Variants in CALN1 observed in about 807,000 individuals in gnomAD.
CALN1 encodes the protein calneuron 1, also known as calcium-binding protein 8.
A neutral mutation model predicts 30.6 loss-of-function variants in CALN1; 17 were observed. The observed-to-expected ratio is 0.56, with a 90% confidence interval of 0.38 to 0.83. CALN1 has a LOEUF of 0.83. CALN1 is among the 40% of genes least tolerant of loss of function. The probability of loss-of-function intolerance (pLI) is 0.00; values close to 1 mark genes in which losing one functional copy is unlikely to be tolerated. For missense variants in CALN1, 291 were observed against 354.9 expected (o/e 0.82, Z 1.45); for synonymous variants, 156 against 131.4 (o/e 1.19, Z -1.28).
intron 5 of CALN1, among the ~76,000 whole-genome samples, chr7:72,018,246 T>TG (rs1314985806): frequency 6.6e-6 from 1 of 151,992 alleles, no homozygotes; most frequent in African/African-American, 2.4e-5. Context: ...AAATAAATGG[T>TG]GGAAAAGCAG....
At chr7:72,054,544 C>CATATATAT (rs35330773) in intron 4 of CALN1, among the ~76,000 whole-genome samples, 2 of 95,048 alleles carry the variant, frequency 2.1e-5, no homozygotes, top group African/African-American at 6.5e-5. Flanking sequence ...TATATATATA[C>CATATATAT]ATATATATAT....
At chr7:71,894,164 C>A (rs1793409142) in intron 5 of CALN1, among the ~76,000 whole-genome samples, 1 of 152,126 alleles carries the variant, frequency 6.6e-6, no homozygotes, top group Admixed American at 6.5e-5. Context: ...TTCCTTTGTC[C>A]CATCTGATGT....
intron 3 of CALN1, among the ~76,000 whole-genome samples, chr7:72,158,306 A>C (rs1182536176): frequency 6.6e-6 from 1 of 152,202 alleles, no homozygotes; most frequent in Non-Finnish European, 1.5e-5. Flanking sequence ...ATGTGGGGAG[A>C]ATGGATTGAA....
chr7:72,384,965 CAAAG>C (rs1018833931), intron 2 of CALN1, among the ~76,000 whole-genome samples: 4 of 151,940 alleles, frequency 2.6e-5, no homozygotes, highest in Admixed American at 6.6e-5. Context: ...ATGAAAAAAA[CAAAG>C]AATCTCATGG....
chr7:72,497,573 G>C, the CALN1 span, among the ~76,000 whole-genome samples: 1 of 152,200 alleles, frequency 6.6e-6, no homozygotes, highest in East Asian at 1.9e-4. Flanking sequence ...GCACATGCTA[G>C]GGTTAAGAGC....
At chr7:72,231,379 C>A (rs1794089001) in intron 3 of CALN1, among the ~76,000 whole-genome samples, 1 of 152,130 alleles carries the variant, frequency 6.6e-6, no homozygotes, top group Non-Finnish European at 1.5e-5. Flanking sequence ...TGAGAACATG[C>A]AGTGTTTGGT....
intron 3 of CALN1, among the ~76,000 whole-genome samples, chr7:72,178,009 A>G (rs1488613512): frequency 6.6e-6 from 1 of 152,190 alleles, no homozygotes; most frequent in African/African-American, 2.4e-5. Flanking sequence ...ATTTGGTAGA[A>G]GTTGAATCTG....
rs183359568 is a variant in CALN1 at position 71,951,320 on chromosome 7, A to G, written c.501+72337T>C. Among the ~76,000 whole-genome samples, 841 of 152,266 alleles carry G rather than the reference A, an allele frequency of 5.5e-3. 7 individuals carry two copies. Among genetic ancestry groups the G allele is most frequent in the African/African-American group, 0.019 (808 of 41,584 alleles). ...AAGAATAGCAGAAACGGCCGGGCGC[A>G]TGGCTCATGCCTGTAATCCCAGCAC... is the stretch of plus-strand genomic sequence containing the variant. On this transcript the variant is annotated intron_variant, in intron 5 of 6. Coordinates refer to ENST00000395275, the MANE Select transcript of CALN1 (RefSeq NM_031468.4).
At chr7:72,189,911 G>A (rs939980839) in intron 3 of CALN1, among the ~76,000 whole-genome samples, 1 of 152,044 alleles carries the variant, frequency 6.6e-6, no homozygotes, top group African/African-American at 2.4e-5. Flanking sequence ...AATGCATATA[G>A]CCGAATTCTG....
chr7:72,410,866 T>C (rs1324472845), intron 1 of CALN1, among the ~76,000 whole-genome samples: 1 of 152,198 alleles, frequency 6.6e-6, no homozygotes. Context: ...AATACAAGGA[T>C]GTTTACTATC....
Position 72,254,562 on chromosome 7 carries a change from A to C in CALN1, c.244+24124T>G, listed in dbSNP as rs533475081. 8.5e-5 allele frequency among the ~76,000 whole-genome samples: 13 copies of C among 152,266 alleles called. No homozygotes were observed. In the South Asian group the frequency reaches 2.7e-3, roughly 32 times the overall value. On this transcript the variant is annotated intron_variant, in intron 3 of 6. Coordinates refer to ENST00000395275, the MANE Select transcript of CALN1 (RefSeq NM_031468.4). ...TTTTACTGTGAGAGGGCAATGCTTT[A>C]GGGCAAAAAACACATTATAATCAAA... is the stretch of plus-strand genomic sequence containing the variant.
At chr7:72,171,901 G>A (rs528934222) in intron 3 of CALN1, among the ~76,000 whole-genome samples, 12 of 152,110 alleles carry the variant, frequency 7.9e-5, no homozygotes, top group East Asian at 3.9e-4. Context: ...GTAATGTGTC[G>A]CCATCCCATT....
At chr7:71,810,280 G>C in intron 6 of CALN1, 56 bp downstream of exon 6, 1 of 1,563,824 alleles carries the variant, frequency 6.4e-7, no homozygotes, top group Non-Finnish European at 8.7e-7. Context: ...CATATAGAGA[G>C]TGTGGTGCAT....
At chr7:72,233,046 C>T (rs1794221353) in intron 3 of CALN1, among the ~76,000 whole-genome samples, 1 of 151,924 alleles carries the variant, frequency 6.6e-6, no homozygotes. Context: ...TTTATTGCAC[C>T]TGTTTAAAAG....
At chr7:72,126,258 T>C (rs763245449) in intron 3 of CALN1, among the ~76,000 whole-genome samples, 1 of 152,202 alleles carries the variant, frequency 6.6e-6, no homozygotes, top group African/African-American at 2.4e-5. Context: ...CATTCCATTT[T>C]ATGGCTATTA....
At chr7:71,930,063 T>C (rs1019206136) in intron 5 of CALN1, among the ~76,000 whole-genome samples, 2 of 152,176 alleles carry the variant, frequency 1.3e-5, no homozygotes, top group Non-Finnish European at 2.9e-5. Flanking sequence ...CCGAATGCAA[T>C]GTAAATGTTA....
intron 5 of CALN1, among the ~76,000 whole-genome samples, chr7:71,892,760 G>A (rs1793314712): frequency 6.6e-6 from 1 of 152,206 alleles, no homozygotes; most frequent in African/African-American, 2.4e-5. Flanking sequence ...CTCATTCACA[G>A]GCTTGAGAAA....
chr7:71,954,321 G>A lies in CALN1; in HGVS notation c.501+69336C>T, dbSNP rs146996337. Among the ~76,000 whole-genome samples, 884 of 151,968 alleles carry A rather than the reference G, an allele frequency of 5.8e-3. 9 individuals are homozygous for A. The highest frequency in any genetic ancestry group is 0.02 in the African/African-American group (815 of 41,438). ...AAAAATACAAAAAAATTAGCCAGGC[G>A]TGGTGGCACACACCTGTATTCCCAG... On this transcript the variant is annotated intron_variant, in intron 5 of 6. Transcript: ENST00000395275.
intron 3 of CALN1, among the ~76,000 whole-genome samples, chr7:72,185,143 T>C (rs900980534): frequency 6.6e-6 from 1 of 151,868 alleles, no homozygotes; most frequent in South Asian, 2.1e-4. Context: ...AATTTGCAAT[T>C]TGTGTGCAGT....
Sources: allele counts gnomAD v4.1 joint callset (sites outside exome capture counted in the v4.1 genomes callset), GRCh38; gene constraint gnomAD v4.1.1; transcripts MANE v1.5; gene names NCBI Gene and HGNC (gene_info 2026-07-23, HGNC 2026-07-21).